The following ACCSL variants were observed in gnomAD, a reference collection of about 807,000 sequenced individuals.
The protein encoded by ACCSL is probable inactive 1-aminocyclopropane-1-carboxylate synthase-like protein 2.
ACCSL carries 55 observed loss-of-function variants against 61.7 expected under a neutral mutation model. The ratio of observed to expected loss-of-function variants is 0.89; its 90% confidence interval spans 0.72 to 1.12. The LOEUF (loss-of-function observed/expected upper bound fraction) is 1.12, where lower values mean the gene tolerates loss of function less well. ACCSL is among the 50% of genes most tolerant of loss of function. The probability of loss-of-function intolerance (pLI) is 0.00; values close to 1 mark genes in which losing one functional copy is unlikely to be tolerated. For missense variants in ACCSL, 632 were observed against 698.0 expected (o/e 0.91, Z 1.07); for synonymous variants, 258 against 264.3 (o/e 0.98, Z 0.23).
At chr11:43,994,801 T>A in the ACCSL span, among the ~76,000 whole-genome samples, 2 of 142,458 alleles carry the variant, frequency 1.4e-5, no homozygotes, top group Admixed American at 1.4e-4. Flanking sequence ...GCCTGGCTAA[T>A]TTTTTTTTGT....
the ACCSL span, among the ~76,000 whole-genome samples, chr11:43,922,992 C>T: frequency 3.9e-4 from 59 of 152,330 alleles, no homozygotes; most frequent in East Asian, 6.9e-3. Flanking sequence ...CCCACTAGCT[C>T]GGGTGGCATT....
chr11:44,021,830 A>G, the ACCSL span, among the ~76,000 whole-genome samples: 1 of 152,158 alleles, frequency 6.6e-6, no homozygotes, highest in African/African-American at 2.4e-5. Context: ...TCATTTGTCT[A>G]CATGTGGCTT....
At chr11:44,045,208 C>T (rs945319103), upstream of ACCSL, among the ~76,000 whole-genome samples, 9 of 152,084 alleles carry the variant, frequency 5.9e-5, no homozygotes, top group Admixed American at 2.0e-4. Context: ...GAGGCTGAGG[C>T]GAGAGGATCA....
At chr11:44,046,628 C>T (rs1952599117), upstream of ACCSL, among the ~76,000 whole-genome samples, 2 of 151,860 alleles carry the variant, frequency 1.3e-5, no homozygotes, top group African/African-American at 4.8e-5. Context: ...AGTACTGGTG[C>T]CCTAAATTTA....
At chr11:44,000,503 G>A in the ACCSL span, among the ~76,000 whole-genome samples, 1 of 147,998 alleles carries the variant, frequency 6.8e-6, no homozygotes, top group Non-Finnish European at 1.5e-5. Context: ...TCCAGCCTGG[G>A]TGACCGAGTG....
chr11:43,981,059 G>A, the ACCSL span, among the ~76,000 whole-genome samples: 3 of 151,980 alleles, frequency 2.0e-5, no homozygotes, highest in Non-Finnish European at 2.9e-5. Context: ...GTGATCTCAG[G>A]GAGCAGTAAG....
the ACCSL span, among the ~76,000 whole-genome samples, chr11:44,026,342 T>C: frequency 6.6e-6 from 1 of 152,206 alleles, no homozygotes; most frequent in Admixed American, 6.5e-5. Context: ...GTTCAGCTAT[T>C]GTGCTTTTAA....
upstream of ACCSL, among the ~76,000 whole-genome samples, chr11:44,045,335 G>A (rs1355710450): frequency 1.3e-5 from 2 of 152,096 alleles, no homozygotes; most frequent in African/African-American, 4.8e-5. Context: ...AGCTACTCAG[G>A]AGGCTGAGGT....
At chr11:44,012,334 G>A in the ACCSL span, among the ~76,000 whole-genome samples, 5 of 151,506 alleles carry the variant, frequency 3.3e-5, no homozygotes, top group East Asian at 5.8e-4. Context: ...TTGCCCAGGC[G>A]GGAATGCAAT....
chr11:44,053,601 G>T, intron 8 of ACCSL, 95 bp downstream of exon 8: 4 of 1,171,898 alleles, frequency 3.4e-6, no homozygotes, highest in Non-Finnish European at 5.0e-6. Flanking sequence ...GGTGGCACAT[G>T]CCTGTAATCC....
the ACCSL span, among the ~76,000 whole-genome samples, chr11:43,993,861 C>T: frequency 6.6e-6 from 1 of 152,182 alleles, no homozygotes; most frequent in South Asian, 2.1e-4. Context: ...GGTGAACGGG[C>T]ATTTAGTGGG....
the ACCSL span, among the ~76,000 whole-genome samples, chr11:43,947,407 G>A: frequency 1.3e-5 from 2 of 152,158 alleles, no homozygotes; most frequent in Non-Finnish European, 2.9e-5. Context: ...GCAACGGCGG[G>A]GGCTCAGCTC....
At chr11:44,029,634 C>T in the ACCSL span, among the ~76,000 whole-genome samples, 3 of 152,158 alleles carry the variant, frequency 2.0e-5, no homozygotes, top group African/African-American at 7.2e-5. Flanking sequence ...CTTCAGCTGC[C>T]CCATCTGCAT....
chr11:44,051,270 C>T lies in ACCSL; in HGVS notation c.636-65C>T. The T allele has an allele frequency of 6.5e-6, 10 of 1,532,946 alleles. No homozygotes were observed. In the East Asian group the frequency reaches 1.4e-4, roughly 21 times the overall value. The allele number at this position is 1,532,946 out of a possible 1,614,324, so 95.0% of individuals were successfully genotyped here. On this transcript the variant is annotated intron_variant, in intron 3 of 13. Coordinates refer to ENST00000378832, the MANE Select transcript of ACCSL (RefSeq NM_001031854.2). The stretch of plus-strand genomic sequence containing the variant: ...AGGTCCCTGTTAGGCTGGACAATGA[C>T]CATCTAGACCATGAGTGAGGAAAGG...
At chr11:43,988,575 G>T in the ACCSL span, among the ~76,000 whole-genome samples, 2 of 152,044 alleles carry the variant, frequency 1.3e-5, no homozygotes, top group Non-Finnish European at 1.5e-5. Context: ...TAAAGCTACA[G>T]CTTCTCCCAG....
the ACCSL span, among the ~76,000 whole-genome samples, chr11:43,980,165 TTC>T: frequency 1.3e-5 from 2 of 152,226 alleles, no homozygotes; most frequent in Non-Finnish European, 1.5e-5. Context: ...CTGCCTAGAA[TTC>T]TGTTGTTTGA....
chr11:43,932,680 G>A, the ACCSL span, among the ~76,000 whole-genome samples: 7 of 152,214 alleles, frequency 4.6e-5, no homozygotes, highest in Non-Finnish European at 4.4e-5. Flanking sequence ...CGTGAAAGTC[G>A]TCTTTGCAGG....
At chr11:43,997,500 A>G in the ACCSL span, among the ~76,000 whole-genome samples, 1 of 151,996 alleles carries the variant, frequency 6.6e-6, no homozygotes, top group Admixed American at 6.6e-5. Flanking sequence ...CAGTTGCGAT[A>G]TTTTCCATGC....
At chr11:44,006,144 A>G in the ACCSL span, among the ~76,000 whole-genome samples, 1 of 152,164 alleles carries the variant, frequency 6.6e-6, no homozygotes, top group Non-Finnish European at 1.5e-5. Context: ...CAGTCCCAGG[A>G]GGGGTGACTG....
Sources: allele counts gnomAD v4.1 joint callset (sites outside exome capture counted in the v4.1 genomes callset), GRCh38; gene constraint gnomAD v4.1.1; transcripts MANE v1.5; gene names NCBI Gene and HGNC (gene_info 2026-07-23, HGNC 2026-07-21).